Variants in CLSTN2 observed in about 807,000 individuals in gnomAD.
CLSTN2 encodes the protein calsyntenin-2.
A neutral mutation model predicts 101.2 loss-of-function variants in CLSTN2; 48 were observed. The observed-to-expected ratio is 0.47, with a 90% CI of 0.38 to 0.60. The LOEUF (loss-of-function observed/expected upper bound fraction) is 0.60. Among genes scored for constraint, CLSTN2 ranks in the 20% least tolerant of loss-of-function variants. CLSTN2 has a pLI of 0.00. For missense variants in CLSTN2, 1,160 were observed against 1,238.2 expected, an observed-to-expected ratio of 0.94 and a Z score of 0.95; for synonymous variants, 481 against 463.6, an observed-to-expected ratio of 1.04 and a Z score of -0.48.
rs899941281 is a variant in CLSTN2 at position 140,280,685 on chromosome 3, G to A, written c.232+104612G>A. ...TTACAGTGTGCCATGATGCAAGATG[G>A]GGCCATGGAACAGGCTGGCTTTATG... is the stretch of plus-strand genomic sequence containing the variant. On this transcript the variant is annotated intron_variant, in intron 2 of 16. Transcript: ENST00000458420. Among the ~76,000 whole-genome samples the A allele has an allele frequency of 4.6e-5, 7 of 152,266 alleles. No individual in the cohort carries two copies. In the East Asian group the frequency reaches 1.4e-3, roughly 29 times the overall value.
chr3:140,415,510 A>C (rs924438690), intron 4 of CLSTN2, among the ~76,000 whole-genome samples: 17 of 128,266 alleles, frequency 1.3e-4, no homozygotes, highest in African/African-American at 3.3e-4. Flanking sequence ...AAAAAAAAAA[A>C]CAAACTGATT....
intron 8 of CLSTN2, among the ~76,000 whole-genome samples, chr3:140,502,328 C>T (rs1934595050): frequency 6.6e-6 from 1 of 152,156 alleles, no homozygotes; most frequent in Non-Finnish European, 1.5e-5. Flanking sequence ...GTGAAGGATG[C>T]AGGCCTGTTT....
At chr3:140,091,880 A>G (rs1051017857) in intron 1 of CLSTN2, among the ~76,000 whole-genome samples, 2 of 152,166 alleles carry the variant, frequency 1.3e-5, no homozygotes, top group Admixed American at 1.3e-4. Flanking sequence ...TGCTTTGTCT[A>G]ATTTTCTCCA....
intron 1 of CLSTN2, among the ~76,000 whole-genome samples, chr3:140,005,578 C>T (rs1334442014): frequency 6.6e-6 from 1 of 152,144 alleles, no homozygotes; most frequent in Non-Finnish European, 1.5e-5. Flanking sequence ...TGTGCTCATC[C>T]CTAAACTGAA....
chr3:140,029,580 C>T (rs1206589075), intron 1 of CLSTN2, among the ~76,000 whole-genome samples: 2 of 152,140 alleles, frequency 1.3e-5, no homozygotes, highest in Non-Finnish European at 2.9e-5. Context: ...CTTCCCCAAA[C>T]AGTTTGACTC....
intron 2 of CLSTN2, among the ~76,000 whole-genome samples, chr3:140,227,505 A>G (rs1214422531): frequency 6.6e-6 from 1 of 152,234 alleles, no homozygotes; most frequent in African/African-American, 2.4e-5. Flanking sequence ...CCAGGTGCAC[A>G]GTGCAAGCTC....
At chr3:140,298,879 C>G (rs752364047) in intron 2 of CLSTN2, among the ~76,000 whole-genome samples, 1 of 152,172 alleles carries the variant, frequency 6.6e-6, no homozygotes, top group Admixed American at 6.5e-5. Flanking sequence ...GAAGGCCCTT[C>G]AACCTGAATA....
chr3:139,958,890 A>G (rs529321770), intron 1 of CLSTN2, among the ~76,000 whole-genome samples: 4 of 149,206 alleles, frequency 2.7e-5, no homozygotes, highest in Non-Finnish European at 5.9e-5. Context: ...GTGTTAAATG[A>G]TAGTGTCATT....
At chr3:140,466,549 C>T in intron 7 of CLSTN2, 61 bp from the exon 8 acceptor site, 1 of 1,608,476 alleles carries the variant, frequency 6.2e-7, no homozygotes, top group Non-Finnish European at 8.5e-7. Context: ...CAGGAAGACT[C>T]CTCTGGTGGA....
chr3:140,018,444 T>C (rs1286841657), intron 1 of CLSTN2, among the ~76,000 whole-genome samples: 1 of 152,136 alleles, frequency 6.6e-6, no homozygotes, highest in African/African-American at 2.4e-5. Flanking sequence ...GCATTGGATC[T>C]GAATAAGCCC....
intron 8 of CLSTN2, among the ~76,000 whole-genome samples, chr3:140,525,457 A>G (rs1035992519): frequency 6.6e-6 from 1 of 152,126 alleles, no homozygotes; most frequent in Admixed American, 6.5e-5. Context: ...TACTAACCAA[A>G]AAGAGCCCTA....
At chr3:140,026,578 A>G (rs899201137) in intron 1 of CLSTN2, among the ~76,000 whole-genome samples, 4 of 152,180 alleles carry the variant, frequency 2.6e-5, no homozygotes, top group African/African-American at 7.2e-5. Context: ...GATCACAGGG[A>G]TGGGAGAAGG....
rs1390400952 is a variant in CLSTN2 at position 140,476,653 on chromosome 3, T to A, written c.1344+9922T>A. On this transcript the variant is annotated intron_variant, in intron 8 of 16. Transcript: ENST00000458420. ...GCTCATCAGGAATCATGTTTTAGCA[T>A]CTTTTTTTTTTTTTTTTTTTTCCTG... 2.2e-5 allele frequency among the ~76,000 whole-genome samples: 3 copies of A among 133,754 alleles called. No individual in the cohort carries two copies. The South Asian group carries it at 7.0e-4, about 31-fold the overall frequency. 87.7% of individuals were successfully genotyped at this position (133,754 alleles called of 152,430 possible).
At chr3:139,955,929 G>A (rs1326713115) in intron 1 of CLSTN2, among the ~76,000 whole-genome samples, 1 of 152,198 alleles carries the variant, frequency 6.6e-6, no homozygotes, top group African/African-American at 2.4e-5. Context: ...GCAGTGACAG[G>A]GGGTGGTAGG....
intron 8 of CLSTN2, among the ~76,000 whole-genome samples, chr3:140,496,132 G>T (rs1475930808): frequency 6.6e-6 from 1 of 152,060 alleles, no homozygotes; most frequent in Non-Finnish European, 1.5e-5. Flanking sequence ...TGTCCTCTCT[G>T]ACTTTCTTGA....
At chr3:140,399,827 A>T (rs1321668098) in intron 2 of CLSTN2, among the ~76,000 whole-genome samples, 1 of 152,160 alleles carries the variant, frequency 6.6e-6, no homozygotes, top group African/African-American at 2.4e-5. Flanking sequence ...AAGTGAGCAT[A>T]GTACCCAATA....
intron 2 of CLSTN2, among the ~76,000 whole-genome samples, chr3:140,396,216 G>A (rs543659440): frequency 3.3e-4 from 50 of 152,234 alleles, no homozygotes; most frequent in Middle Eastern, 3.4e-3. Context: ...AACTCTCCCC[G>A]TGGGAGCAGT....
At chr3:140,323,204 G>A (rs1361315378) in intron 2 of CLSTN2, among the ~76,000 whole-genome samples, 3 of 152,078 alleles carry the variant, frequency 2.0e-5, no homozygotes, top group South Asian at 2.1e-4. Context: ...GTGGGCTTCC[G>A]GGGTTCTTCC....
intron 2 of CLSTN2, among the ~76,000 whole-genome samples, chr3:140,387,644 G>T (rs954661247): frequency 3.3e-5 from 5 of 151,986 alleles, no homozygotes; most frequent in Non-Finnish European, 5.9e-5. Context: ...GCAGGTATGG[G>T]GTTACAGAAA....
Sources: allele counts gnomAD v4.1 joint callset (sites outside exome capture counted in the v4.1 genomes callset), GRCh38; gene constraint gnomAD v4.1.1; transcripts MANE v1.5; gene names NCBI Gene and HGNC (gene_info 2026-07-23, HGNC 2026-07-21).